The following GARRE1 variants were observed in gnomAD, a reference collection of about 807,000 sequenced individuals.
The protein encoded by GARRE1 is granule associated Rac and RHOG effector protein 1.
In GARRE1, 49 loss-of-function variants were observed where a neutral mutation model predicts 103.2. The ratio of observed to expected loss-of-function variants is 0.47; its 90% CI spans 0.38 to 0.60. GARRE1 has a LOEUF of 0.60. GARRE1 is among the 20% of genes least tolerant of loss of function. The pLI, the probability that GARRE1 is intolerant of heterozygous loss-of-function variation, is 0.00. For missense variants in GARRE1, 1,199 were observed against 1,370.5 expected, an observed-to-expected ratio of 0.87 and a Z score of 1.98; for synonymous variants, 505 against 532.8, an observed-to-expected ratio of 0.95 and a Z score of 0.72.
intron 1 of GARRE1, among the ~76,000 whole-genome samples, chr19:34,270,714 C>A (rs948255704): frequency 6.6e-6 from 1 of 152,098 alleles, no homozygotes; most frequent in Non-Finnish European, 1.5e-5. Context: ...CTTATGGACC[C>A]GTTATAGCTT....
At chr19:34,334,696 C>CA (rs201914309) in intron 8 of GARRE1, among the ~76,000 whole-genome samples, 61,122 of 117,260 alleles carry the variant, frequency 0.52, 16,184 homozygotes, top group Non-Finnish European at 0.64. Flanking sequence ...AAAACTATCT[C>CA]AAAAAAAAAA....
At chr19:34,324,786 C>T (rs1369148443) in intron 3 of GARRE1, among the ~76,000 whole-genome samples, 1 of 152,156 alleles carries the variant, frequency 6.6e-6, no homozygotes, top group African/African-American at 2.4e-5. Flanking sequence ...TGTACCTCTC[C>T]ACTTTCTTAT....
chr19:34,323,904 GT>G (rs2074100534), intron 3 of GARRE1, among the ~76,000 whole-genome samples: 1 of 152,174 alleles, frequency 6.6e-6, no homozygotes, highest in Non-Finnish European at 1.5e-5. Flanking sequence ...CTTTCAGCCA[GT>G]GATGCCACCC....
At chr19:34,336,032 C>G (rs1180546890) in intron 8 of GARRE1, among the ~76,000 whole-genome samples, 1 of 151,860 alleles carries the variant, frequency 6.6e-6, no homozygotes, top group African/African-American at 2.4e-5. Flanking sequence ...ATGCTGTCCC[C>G]CAGACTGCAG....
intron 1 of GARRE1, among the ~76,000 whole-genome samples, chr19:34,272,775 T>G (rs926522472): frequency 3.9e-5 from 6 of 152,234 alleles, no homozygotes; most frequent in Non-Finnish European, 7.3e-5. Context: ...GCTCAACCTG[T>G]GGCAGCAGAT....
At position 34,327,979 on chromosome 19, in the gene GARRE1, G is replaced by A. The variant is rs201978363; in HGVS notation, c.943-11G>A. On this transcript the variant is annotated splice_polypyrimidine_tract_variant and intron_variant, in intron 5 of 13. Transcript: ENST00000299505. ...GGGTCACCTCTCCTCTTCCATCCATGCCTTTTCCAGGGCTGCTGCAGCGAG... is the reference window on the plus strand; with the variant it reads ...GGGTCACCTCTCCTCTTCCATCCATACCTTTTCCAGGGCTGCTGCAGCGAG... The A allele has an allele frequency of 9.9e-6, 16 of 1,614,126 alleles. No individual in the cohort carries two copies. The highest frequency in any genetic ancestry group is 2.7e-5 in the African/African-American group (2 of 75,024).
At chr19:34,321,758 G>C (rs1394046797) in intron 3 of GARRE1, among the ~76,000 whole-genome samples, 1 of 152,248 alleles carries the variant, frequency 6.6e-6, no homozygotes, top group East Asian at 1.9e-4. Flanking sequence ...TTACAGGCGT[G>C]AGCCACTGCA....
rs573758749 is a variant in GARRE1, at chr19:34,284,772, C to T, written c.-795-14907C>T. On this transcript the variant is annotated intron_variant, in intron 1 of 13. Transcript: ENST00000299505. ...AGTGAAAATTCTTTTTAAGAAAATA[C>T]GGAAAAGAAATGTCCTTAAATGGTT... Among the ~76,000 whole-genome samples the T allele has an allele frequency of 1.6e-4, 25 of 152,048 alleles. No individual in the cohort carries two copies. The South Asian group carries it at 4.2e-3, about 25-fold the overall frequency.
chr19:34,341,288 A>G, intron 9 of GARRE1, 134 bp from the exon 10 acceptor site: 1 of 703,458 alleles, frequency 1.4e-6, no homozygotes, highest in Non-Finnish European at 2.4e-6. Flanking sequence ...TCATTTATAT[A>G]TAAAATAAGT....
intron 9 of GARRE1, among the ~76,000 whole-genome samples, chr19:34,340,308 A>G (rs1270874248): frequency 3.9e-5 from 6 of 152,126 alleles, no homozygotes; most frequent in Non-Finnish European, 8.8e-5. Flanking sequence ...AAGAACAGAG[A>G]AATGTTTAGA....
intron 3 of GARRE1, among the ~76,000 whole-genome samples, chr19:34,320,954 G>C (rs1360784916): frequency 1.4e-5 from 2 of 144,228 alleles, no homozygotes; most frequent in East Asian, 2.0e-4. Context: ...ATGTTGTCCA[G>C]GTTGGTCTTG....
intron 1 of GARRE1, among the ~76,000 whole-genome samples, chr19:34,261,264 G>C (rs1568520214): frequency 6.6e-6 from 1 of 152,112 alleles, no homozygotes; most frequent in Non-Finnish European, 1.5e-5. Context: ...TTGTAGAATG[G>C]GGATAATAGT....
At chr19:34,268,397 G>A (rs2073765630) in intron 1 of GARRE1, among the ~76,000 whole-genome samples, 1 of 152,098 alleles carries the variant, frequency 6.6e-6, no homozygotes, top group Admixed American at 6.6e-5. Flanking sequence ...TTCCTTTGAA[G>A]ATCTCTGTTT....
intron 3 of GARRE1, among the ~76,000 whole-genome samples, chr19:34,325,549 C>T (rs748757807): frequency 1.3e-5 from 2 of 152,214 alleles, no homozygotes; most frequent in Non-Finnish European, 2.9e-5. Flanking sequence ...CAGTTCCCAC[C>T]TCCAAAATCT....
rs1599784266 is a variant in GARRE1 at position 34,348,190 on chromosome 19, T to A, written c.2687+148T>A. ...TGTGAGAGAGTGACATGGGATGAAA[T>A]CTTTAGGGGTCAGAGTCATGTGGCT... On this transcript the variant is annotated intron_variant, in intron 11 of 13. Coordinates refer to ENST00000299505, the MANE Select transcript of GARRE1 (RefSeq NM_014686.5). 2.2e-5 allele frequency: 14 copies of A among 649,294 alleles called. No individual in the cohort carries two copies. In the East Asian group the frequency reaches 4.8e-4, roughly 22 times the overall value. The allele number at this position is 649,294 out of a possible 1,614,324, so 40.2% of individuals were successfully genotyped here. A position where few individuals can be genotyped will look rare whatever the true frequency, so the allele number is the denominator to read the frequency against.
At chr19:34,260,898 T>G (rs560174517) in intron 1 of GARRE1, among the ~76,000 whole-genome samples, 1 of 152,294 alleles carries the variant, frequency 6.6e-6, no homozygotes, top group South Asian at 2.1e-4. Flanking sequence ...GAAATACTTG[T>G]GTTTCTGGGA....
intron 1 of GARRE1, among the ~76,000 whole-genome samples, chr19:34,282,741 A>C (rs2065287978): frequency 6.6e-6 from 1 of 152,130 alleles, no homozygotes; most frequent in Admixed American, 6.5e-5. Flanking sequence ...GTACAGATGA[A>C]ATCAGGTTGA....
At chr19:34,351,662 A>G (rs1568314614) in intron 13 of GARRE1, 70 bp downstream of exon 13, 4 of 1,024,846 alleles carry the variant, frequency 3.9e-6, no homozygotes, top group Admixed American at 1.9e-5. Flanking sequence ...GAGGGCCTCA[A>G]AGTAATGAGG....
intron 1 of GARRE1, chr19:34,285,219 C>T (rs1599755569): frequency 6.6e-6 from 1 of 152,076 alleles, no homozygotes; most frequent in Non-Finnish European, 1.5e-5. Flanking sequence ...ACCTAACTTC[C>T]AACAGTATTT....
Sources: allele counts gnomAD v4.1 joint callset (sites outside exome capture counted in the v4.1 genomes callset), GRCh38; gene constraint gnomAD v4.1.1; transcripts MANE v1.5; gene names NCBI Gene and HGNC (gene_info 2026-07-23, HGNC 2026-07-21).